The following UBR2 variants were observed in gnomAD, a reference collection of about 807,000 sequenced individuals.
UBR2 encodes the protein ubiquitin protein ligase E3 component n-recognin 2.
UBR2 carries 92 observed loss-of-function variants against 247.9 expected under a neutral mutation model. That is an observed-to-expected ratio of 0.37 (90% confidence interval 0.31 to 0.44). The LOEUF (loss-of-function observed/expected upper bound fraction) is 0.44, where lower values mean the gene tolerates loss of function less well. Ranked by LOEUF, UBR2 falls within the 20% of genes least tolerant of loss-of-function variation. The pLI is 1.00. For missense variants in UBR2, 1,613 were observed against 2,112.6 expected (o/e 0.76, Z 4.64); for synonymous variants, 672 against 693.5 (o/e 0.97, Z 0.49).
chr6:42,659,922 C>A lies in UBR2; in HGVS notation c.3442+67C>A. The A allele has an allele frequency of 6.7e-7, 1 of 1,494,110 alleles. No homozygotes were observed. The highest frequency in any genetic ancestry group is 9.2e-7 in the Non-Finnish European group (1 of 1,084,884). 92.6% of individuals were successfully genotyped at this position (1,494,110 alleles called of 1,614,324 possible). A position where few individuals can be genotyped will look rare whatever the true frequency, so the allele number is the denominator to read the frequency against. ...CTGCCAGTTAATGTGGTTGGTGATACGTTGAGATTTTTTAAACCTAAAAAT... is the reference window on the plus strand; with the variant it reads ...CTGCCAGTTAATGTGGTTGGTGATAAGTTGAGATTTTTTAAACCTAAAAAT... On this transcript the variant is annotated intron_variant, in intron 30 of 46. Coordinates refer to ENST00000372901, the MANE Select transcript of UBR2 (RefSeq NM_001363705.2). This position sits in a 1 kb window ranked among gnomAD's most constrained non-coding sequence, Gnocchi z 4.3.
chr6:42,615,968 G>T, intron 9 of UBR2, 34 bp from the exon 10 acceptor site: 1 of 1,433,252 alleles, frequency 7.0e-7, no homozygotes. Context: ...TGTTGGGCGT[G>T]TCCTTATCTT....
chr6:42,681,750 C>T (rs921741528), intron 42 of UBR2, among the ~76,000 whole-genome samples: 7 of 152,126 alleles, frequency 4.6e-5, no homozygotes, highest in African/African-American at 1.7e-4. Flanking sequence ...CTTCTAGGTA[C>T]AGATTACAAA....
chr6:42,666,323 A>G (rs1194919274), intron 34 of UBR2, 78 bp downstream of exon 34: 6 of 1,312,124 alleles, frequency 4.6e-6, no homozygotes, highest in East Asian at 2.4e-5. Context: ...GAGGAATATG[A>G]TTTGGCAAGT....
intron 43 of UBR2, 29 bp from the exon 44 acceptor site, chr6:42,684,765 G>C: frequency 6.5e-7 from 1 of 1,540,746 alleles, no homozygotes; most frequent in Non-Finnish European, 8.9e-7. Flanking sequence ...AATTAATGGA[G>C]TGTTCTTTAA....
At chr6:42,640,399 T>A (rs201397322) in intron 16 of UBR2, 129 bp downstream of exon 16, 1 of 190,032 alleles carries the variant, frequency 5.3e-6, no homozygotes, top group Non-Finnish European at 9.9e-6. Context: ...TGTGTGTGTG[T>A]GTGTGTGTGT....
At chr6:42,649,306 G>T (rs1315551937) in intron 22 of UBR2, among the ~76,000 whole-genome samples, 1 of 152,150 alleles carries the variant, frequency 6.6e-6, no homozygotes, top group Non-Finnish European at 1.5e-5. Flanking sequence ...ATGGTGCCAG[G>T]CCCTTTTTCA....
chr6:42,567,600 A>T (rs964846850), intron 1 of UBR2, among the ~76,000 whole-genome samples: 1 of 152,054 alleles, frequency 6.6e-6, no homozygotes, highest in African/African-American at 2.4e-5. Context: ...ATGGTGGTGC[A>T]CCCCTGTAAT....
rs953126894 is a variant in UBR2, at chr6:42,689,138, G to A, written c.5025-431G>A. ...GAGGCGCGTGTCACTGGAGTGTTGT[G>A]CACAGGTGAGAGAATCCAGGGGCCT... is the stretch of plus-strand genomic sequence containing the variant. On this transcript the variant is annotated intron_variant, in intron 45 of 46. Transcript: ENST00000372901. The surrounding 1 kb of genome is among the most constrained non-coding windows in gnomAD (Gnocchi z 4.0). Among the ~76,000 whole-genome samples the A allele has an allele frequency of 1.3e-5, 2 of 152,192 alleles. No individual in the cohort carries two copies. The highest frequency in any genetic ancestry group is 2.9e-5 in the Non-Finnish European group (2 of 68,034).
chr6:42,582,625 CT>C (rs553138036), intron 2 of UBR2, among the ~76,000 whole-genome samples: 4 of 150,680 alleles, frequency 2.7e-5, no homozygotes, highest in Non-Finnish European at 3.0e-5. Flanking sequence ...TGTTGTCAGA[CT>C]TTTTTTTTAA....
rs140855085 is a variant in UBR2 at position 42,646,302 on chromosome 6, A to T, written c.2409+712A>T. ...TAACATTTATTTTTCTGAGATTTCA[A>T]CCTATCTTATCTTTGTTGCATAGTA... On this transcript the variant is annotated intron_variant, in intron 21 of 46. Coordinates refer to ENST00000372901, the MANE Select transcript of UBR2 (RefSeq NM_001363705.2). Among the ~76,000 whole-genome samples, 429 of 152,298 alleles carry T rather than the reference A, an allele frequency of 2.8e-3. 3 individuals carry two copies. The highest frequency in any genetic ancestry group is 9.9e-3 in the African/African-American group (410 of 41,558).
In UBR2 at chr6:42,686,127, G is replaced by A. The variant is rs560598625; in HGVS notation, c.4853+1256G>A. Among the ~76,000 whole-genome samples, 1,183 of 151,792 alleles carry A rather than the reference G, an allele frequency of 7.8e-3. 13 individuals are homozygous for A. The highest frequency in any genetic ancestry group is 0.028 in the African/African-American group (1,144 of 41,350). ...GATCATTCTTGGGTGTTTCTCGGAG[G>A]GGGGGATTTGGCAGGGTCATAGGAC... is the stretch of plus-strand genomic sequence containing the variant. On this transcript the variant is annotated intron_variant, in intron 44 of 46. Coordinates refer to ENST00000372901, the MANE Select transcript of UBR2 (RefSeq NM_001363705.2).
chr6:42,686,172 G>C (rs562761407), intron 44 of UBR2, among the ~76,000 whole-genome samples: 1 of 152,176 alleles, frequency 6.6e-6, no homozygotes, highest in South Asian at 2.1e-4. Context: ...GGGAAGGTCA[G>C]CAGATAAAGA....
chr6:42,663,441 C>A, intron 32 of UBR2, 22 bp downstream of exon 32: 1 of 1,591,566 alleles, frequency 6.3e-7, no homozygotes, highest in Non-Finnish European at 8.5e-7. Context: ...CTCATGACAA[C>A]TATTACAAAG....
At chr6:42,675,603 CT>C (rs1234169955) in intron 38 of UBR2, among the ~76,000 whole-genome samples, 10 of 152,120 alleles carry the variant, frequency 6.6e-5, no homozygotes, top group Admixed American at 5.2e-4. Flanking sequence ...CATGGATGCC[CT>C]TTCTTTAAGA....
rs1458347839 is a variant in UBR2, at chr6:42,564,094, A to C, written c.-226A>C. 1.8e-6 allele frequency: 1 copy of C among 554,026 alleles called. No homozygotes were observed. The highest frequency in any genetic ancestry group is 2.0e-5 in the African/African-American group (1 of 51,268). 34.3% of individuals were successfully genotyped at this position (554,026 alleles called of 1,614,324 possible). On this transcript the variant is annotated 5_prime_UTR_variant, in exon 1 of 47. Coordinates refer to ENST00000372901, the MANE Select transcript of UBR2 (RefSeq NM_001363705.2). ...TCCTTCCCTGGGTCAGGGACGAGCC[A>C]GTGACTTGACTCTTGGGCGCTAAGC...
intron 7 of UBR2, among the ~76,000 whole-genome samples, chr6:42,610,451 G>C (rs936879784): frequency 6.6e-6 from 1 of 152,134 alleles, no homozygotes. Flanking sequence ...GCTAATGAAG[G>C]AATGGAGAAA....
chr6:42,586,806 A>G (rs1483686991), intron 2 of UBR2, among the ~76,000 whole-genome samples: 2 of 143,366 alleles, frequency 1.4e-5, no homozygotes, highest in Non-Finnish European at 3.0e-5. Flanking sequence ...CTTGTCATAT[A>G]TATTGCACCT....
intron 11 of UBR2, among the ~76,000 whole-genome samples, chr6:42,623,653 C>T (rs965134761): frequency 4.6e-5 from 7 of 152,114 alleles, no homozygotes; most frequent in East Asian, 1.9e-4. Flanking sequence ...GGTTTCACCA[C>T]GTTGGTCAGG....
chr6:42,617,981 G>A (rs1484840666), intron 11 of UBR2, among the ~76,000 whole-genome samples: 1 of 152,184 alleles, frequency 6.6e-6, no homozygotes, highest in South Asian at 2.1e-4. Context: ...TGCCCATAAA[G>A]GCATCGTTAT....
Sources: gnomAD v4.1 joint callset for allele counts (sites outside exome capture counted in the v4.1 genomes callset) on GRCh38, gnomAD v4.1.1 for gene constraint, Gnocchi (gnomAD v3.1) non-coding constraint, MANE v1.5 for transcripts, NCBI Gene and HGNC (gene_info 2026-07-23, HGNC 2026-07-21) for gene names.